Variants in RAB11FIP4 observed in about 807,000 individuals in gnomAD.
RAB11FIP4 encodes the protein rab11 family-interacting protein 4.
In RAB11FIP4, 23 loss-of-function variants were observed where a neutral mutation model predicts 74.3. The ratio of observed to expected loss-of-function variants is 0.31; its 90% CI spans 0.22 to 0.44. The LOEUF is 0.44. RAB11FIP4 is among the 20% of genes least tolerant of loss of function. The probability of loss-of-function intolerance (pLI) is 1.00; values close to 1 mark genes in which losing one functional copy is unlikely to be tolerated. For missense variants in RAB11FIP4, 630 were observed against 863.9 expected (o/e 0.73, Z 3.39); for synonymous variants, 360 against 359.9 (o/e 1.00, Z 0.00).
At chr17:31,454,104 A>G (rs976069037) in intron 3 of RAB11FIP4, among the ~76,000 whole-genome samples, 3 of 151,368 alleles carry the variant, frequency 2.0e-5, no homozygotes, top group African/African-American at 7.3e-5. Flanking sequence ...CCATTCTCCC[A>G]GGGCAGAGAC....
At chr17:31,400,957 G>T (rs1371524987) in intron 1 of RAB11FIP4, among the ~76,000 whole-genome samples, 2 of 152,126 alleles carry the variant, frequency 1.3e-5, no homozygotes, top group East Asian at 1.9e-4. Flanking sequence ...TGACCTAGGT[G>T]TGGTCTGGCC....
chr17:31,462,113 A>G (rs146351454), intron 3 of RAB11FIP4, among the ~76,000 whole-genome samples: 25 of 152,200 alleles, frequency 1.6e-4, no homozygotes, highest in African/African-American at 6.0e-4. Flanking sequence ...AAATACAAAA[A>G]TTAGCTGGAT....
At chr17:31,411,229 T>G (rs2071091779) in intron 1 of RAB11FIP4, among the ~76,000 whole-genome samples, 1 of 152,144 alleles carries the variant, frequency 6.6e-6, no homozygotes, top group Admixed American at 6.5e-5. Flanking sequence ...CCAGGCGTGA[T>G]GGCGGGCGCC....
At chr17:31,505,197 G>A (rs1021215199) in intron 3 of RAB11FIP4, among the ~76,000 whole-genome samples, 5 of 151,382 alleles carry the variant, frequency 3.3e-5, no homozygotes, top group Non-Finnish European at 7.4e-5. Context: ...TATGTGGGGT[G>A]CTTTGGTGTT....
Position 31,521,244 on chromosome 17 carries a change from G to C in RAB11FIP4, c.642G>C (p.Glu214Asp), listed in dbSNP as rs756305412. 6 of 1,613,942 alleles carry C rather than the reference G, an allele frequency of 3.7e-6. No homozygotes were observed. In the African/African-American group the frequency reaches 4.0e-5, roughly 11 times the overall value. Residue 214 changes from glutamate (E) to aspartate (D), a missense_variant, in exon 5 of 15, where the codon GAG becomes GAC. Coordinates refer to ENST00000621161, the MANE Select transcript of RAB11FIP4 (RefSeq NM_032932.6). ...CCACCTCGCTCATCAGCAATGAGGA[G>C]CAGTTTGAAGACTATGGGGAGGGTG... ...HSTTSLISNEEQFEDYGEGDD... is the reference protein window; with the variant it reads ...HSTTSLISNEDQFEDYGEGDD...
chr17:31,525,042 G>T, intron 9 of RAB11FIP4, 48 bp from the exon 10 acceptor site: 1 of 1,549,146 alleles, frequency 6.5e-7, no homozygotes, highest in Non-Finnish European at 8.7e-7. Context: ...CCTGGGTTGG[G>T]GTGAAATGGT....
intron 1 of RAB11FIP4, among the ~76,000 whole-genome samples, chr17:31,426,465 C>T (rs2071250543): frequency 6.6e-6 from 1 of 152,176 alleles, no homozygotes; most frequent in Non-Finnish European, 1.5e-5. Context: ...ATTTGCAATA[C>T]TTCTCCACAT....
In RAB11FIP4 at chr17:31,530,371, A is replaced by C; in HGVS notation, c.1699A>C (p.Ile567Leu). 6.2e-7 allele frequency: 1 copy of C among 1,614,142 alleles called. No individual in the cohort carries two copies. The highest frequency in any genetic ancestry group is 8.5e-7 in the Non-Finnish European group (1 of 1,180,022). ...TCAGAACGACGACTTGAATGGGCAG[A>C]TTTTGAGCCTCAGCCTCTACGAAGC... Reference protein sequence around the residue: ...RDQNDDLNGQILSLSLYEAKN... With the variant: ...RDQNDDLNGQLLSLSLYEAKN... The change falls in exon 14 of 15, where the codon ATT becomes CTT. Residue 567 changes from isoleucine (I) to leucine (L), a missense_variant. Transcript: ENST00000621161.
At chr17:31,494,156 C>T (rs548598111) in intron 3 of RAB11FIP4, among the ~76,000 whole-genome samples, 16 of 152,216 alleles carry the variant, frequency 1.1e-4, no homozygotes, top group Admixed American at 4.6e-4. Flanking sequence ...GTTAGAGAGG[C>T]AGGCCAGTTT....
Position 31,532,780 on chromosome 17 carries a change from GCGT to G in RAB11FIP4, c.*1049_*1051del, listed in dbSNP as rs760455868. On this transcript the variant is annotated 3_prime_UTR_variant, in exon 15 of 15. Transcript: ENST00000621161. ...GTGGCAGCAAGACTGCTTCGTTCCA[GCGT>G]TTAGAAACACACCTGTATTTGATTC... The G allele has an allele frequency of 2.4e-4, 36 of 152,322 alleles. No homozygotes were observed. The highest frequency in any genetic ancestry group is 7.5e-4 in the African/African-American group (31 of 41,570). 9.4% of individuals were successfully genotyped at this position (152,322 alleles called of 1,614,324 possible). A position where few individuals can be genotyped will look rare whatever the true frequency, so the allele number is the denominator to read the frequency against.
At chr17:31,452,064 C>T (rs1210096511) in intron 3 of RAB11FIP4, among the ~76,000 whole-genome samples, 1 of 152,080 alleles carries the variant, frequency 6.6e-6, no homozygotes, top group East Asian at 1.9e-4. Context: ...TTGAAAGATA[C>T]AAGAAATTAT....
At chr17:31,485,075 A>G (rs1205595198) in intron 3 of RAB11FIP4, among the ~76,000 whole-genome samples, 2 of 152,216 alleles carry the variant, frequency 1.3e-5, no homozygotes, top group Non-Finnish European at 2.9e-5. Flanking sequence ...GAGCACCTGC[A>G]GCATCTTAGG....
At chr17:31,513,172 G>A (rs79168035) in intron 3 of RAB11FIP4, among the ~76,000 whole-genome samples, 9 of 152,250 alleles carry the variant, frequency 5.9e-5, no homozygotes, top group Non-Finnish European at 1.3e-4. Flanking sequence ...AGGGGGCTCC[G>A]CGTGATTCTT....
chr17:31,440,459 C>CCCT (rs2071397333), intron 3 of RAB11FIP4, among the ~76,000 whole-genome samples: 3 of 152,216 alleles, frequency 2.0e-5, no homozygotes, highest in Non-Finnish European at 4.4e-5. Context: ...AAGGCTCTCT[C>CCCT]ATCCTTCTTT....
At chr17:31,487,938 C>T (rs1023979002) in intron 3 of RAB11FIP4, 2 of 665,200 alleles carry the variant, frequency 3.0e-6, no homozygotes, top group Non-Finnish European at 3.7e-6. Context: ...GCTCGGGTTC[C>T]GGGGCCGCGT....
At chr17:31,449,133 C>T (rs2071499207) in intron 3 of RAB11FIP4, among the ~76,000 whole-genome samples, 1 of 152,062 alleles carries the variant, frequency 6.6e-6, no homozygotes, top group Admixed American at 6.5e-5. Flanking sequence ...ACCAGCCTGC[C>T]TCCACCTGCA....
intron 3 of RAB11FIP4, among the ~76,000 whole-genome samples, chr17:31,452,171 C>T (rs2071533172): frequency 6.6e-6 from 1 of 152,128 alleles, no homozygotes; most frequent in Non-Finnish European, 1.5e-5. Flanking sequence ...CTATGTGTGT[C>T]CTGTCATCCC....
At position 31,467,365 on chromosome 17, in the gene RAB11FIP4, C is replaced by T. The variant is rs375463693; in HGVS notation, c.336+33243C>T. 5.7e-4 allele frequency among the ~76,000 whole-genome samples: 87 copies of T among 152,240 alleles called. 1 individual carries two copies. The highest frequency in any genetic ancestry group is 2.0e-3 in the African/African-American group (83 of 41,538). On this transcript the variant is annotated intron_variant, in intron 3 of 14. Coordinates refer to ENST00000621161, the MANE Select transcript of RAB11FIP4 (RefSeq NM_032932.6). ...AATGCCTGACCTCAGGTGATCTGCC[C>T]GCCTCTGCCTCCCAAAGTGCTGAGA...
At chr17:31,438,244 C>T (rs1006631486) in intron 3 of RAB11FIP4, among the ~76,000 whole-genome samples, 4 of 152,024 alleles carry the variant, frequency 2.6e-5, no homozygotes, top group Non-Finnish European at 4.4e-5. Flanking sequence ...CACTCGGGTG[C>T]TAAAGGCAAT....
Sources: allele counts gnomAD v4.1 joint callset (sites outside exome capture counted in the v4.1 genomes callset), GRCh38; gene constraint gnomAD v4.1.1; transcripts MANE v1.5; gene names NCBI Gene and HGNC (gene_info 2026-07-23, HGNC 2026-07-21).